The following TMEM266 variants were observed in gnomAD, a reference collection of about 807,000 sequenced individuals.
The protein encoded by TMEM266 is Hv1 related protein 1.
In TMEM266, 33 loss-of-function variants were observed where a neutral mutation model predicts 50.5. The ratio of observed to expected loss-of-function variants is 0.65; its 90% CI spans 0.50 to 0.87. TMEM266 has a LOEUF of 0.87. TMEM266 is among the 40% of genes least tolerant of loss of function. The pLI, the probability that TMEM266 is intolerant of heterozygous loss-of-function variation, is 0.00. For synonymous variants in TMEM266, 310 were observed against 292.3 expected, an observed-to-expected ratio of 1.06 and a Z score of -0.62; for missense variants, 655 against 695.1, an observed-to-expected ratio of 0.94 and a Z score of 0.65.
intron 9 of TMEM266, among the ~76,000 whole-genome samples, chr15:76,201,230 C>A (rs544870937): frequency 6.6e-6 from 1 of 152,280 alleles, no homozygotes; most frequent in African/African-American, 2.4e-5. Context: ...TCAGACCATC[C>A]TGTGGCCCCT....
At chr15:76,184,393 T>C (rs185602989) in intron 8 of TMEM266, among the ~76,000 whole-genome samples, 1 of 152,342 alleles carries the variant, frequency 6.6e-6, no homozygotes, top group East Asian at 1.9e-4. Context: ...CTACCAGTCA[T>C]CTTCACAGTG....
intron 1 of TMEM266, among the ~76,000 whole-genome samples, chr15:76,130,341 C>G (rs574472848): frequency 9.6e-4 from 145 of 150,436 alleles, no homozygotes; most frequent in Non-Finnish European, 1.7e-3. Flanking sequence ...AGTTTAAGAC[C>G]AGCCTGGCCA....
At chr15:76,190,566 C>T (rs1281620438) in intron 8 of TMEM266, among the ~76,000 whole-genome samples, 1 of 151,122 alleles carries the variant, frequency 6.6e-6, no homozygotes, top group African/African-American at 2.4e-5. Context: ...GGAGGCGGGA[C>T]AGCTGCTGGA....
At chr15:76,159,904 A>G (rs917913368) in intron 4 of TMEM266, among the ~76,000 whole-genome samples, 191 bp from the exon 5 acceptor site, 1 of 152,048 alleles carries the variant, frequency 6.6e-6, no homozygotes, top group Non-Finnish European at 1.5e-5. Flanking sequence ...TTGGCTCCCA[A>G]ATGTCCTACT....
At chr15:76,090,313 G>A (rs967474809) in intron 1 of TMEM266, among the ~76,000 whole-genome samples, 5 of 151,720 alleles carry the variant, frequency 3.3e-5, no homozygotes, top group Admixed American at 6.6e-5. Flanking sequence ...CCAACATGAC[G>A]AAACCTTGGC....
In TMEM266 at chr15:76,111,282, T is replaced by A. The variant is rs529808738; in HGVS notation, c.-96-22886T>A. On this transcript the variant is annotated intron_variant, in intron 1 of 10. Coordinates refer to ENST00000388942, the MANE Select transcript of TMEM266 (RefSeq NM_152335.3). Reference sequence around the variant, plus strand: ...TTTTAGCAGAGACAGGATTTCACCATGTTGGTCAGGCTGGTCTTGAACTCC... The same window carrying A: ...TTTTAGCAGAGACAGGATTTCACCAAGTTGGTCAGGCTGGTCTTGAACTCC... Among the ~76,000 whole-genome samples, 48 of 151,944 alleles carry A rather than the reference T, an allele frequency of 3.2e-4. 1 individual carries two copies. The highest frequency in any genetic ancestry group is 1.2e-3 in the African/African-American group (48 of 41,420).
intron 1 of TMEM266, among the ~76,000 whole-genome samples, chr15:76,116,381 A>T (rs2037246863): frequency 6.6e-6 from 1 of 152,120 alleles, no homozygotes; most frequent in Admixed American, 6.6e-5. Context: ...GTTCTCACCT[A>T]GCTTAAGGGA....
At chr15:76,166,782 G>A (rs927893395) in intron 5 of TMEM266, among the ~76,000 whole-genome samples, 1 of 152,194 alleles carries the variant, frequency 6.6e-6, no homozygotes, top group African/African-American at 2.4e-5. Context: ...AGTAGAATGG[G>A]GAGAGGTAGA....
intron 1 of TMEM266, among the ~76,000 whole-genome samples, chr15:76,116,658 C>T (rs918897432): frequency 4.6e-5 from 7 of 151,992 alleles, no homozygotes; most frequent in African/African-American, 1.7e-4. Flanking sequence ...CACCTTTGTC[C>T]TTATCTTTAG....
At chr15:76,147,188 T>C (rs1484043209) in intron 3 of TMEM266, among the ~76,000 whole-genome samples, 1 of 152,226 alleles carries the variant, frequency 6.6e-6, no homozygotes, top group African/African-American at 2.4e-5. Context: ...ACTGTGGTTG[T>C]TGGCTGGCTC....
intron 1 of TMEM266, among the ~76,000 whole-genome samples, chr15:76,090,972 C>T (rs191572383): frequency 6.6e-6 from 1 of 152,212 alleles, no homozygotes; most frequent in Admixed American, 6.5e-5. Context: ...ATGCTAATTA[C>T]CCTGGTTTAA....
intron 8 of TMEM266, among the ~76,000 whole-genome samples, chr15:76,190,047 C>T (rs778299469): frequency 6.6e-6 from 1 of 152,164 alleles, no homozygotes. Flanking sequence ...ATGTGTTTTA[C>T]GTTCATAAAA....
intron 1 of TMEM266, among the ~76,000 whole-genome samples, chr15:76,080,351 A>G (rs894795335): frequency 2.0e-5 from 3 of 147,702 alleles, no homozygotes; most frequent in African/African-American, 7.5e-5. Context: ...CTCCTTGGTC[A>G]AGCGATTCTC....
At chr15:76,116,896 C>CTTTT (rs143849730) in intron 1 of TMEM266, among the ~76,000 whole-genome samples, 12 of 131,658 alleles carry the variant, frequency 9.1e-5, no homozygotes, top group Non-Finnish European at 1.3e-4. Flanking sequence ...AGCATATCTT[C>CTTTT]TTTTTTTTTT....
intron 1 of TMEM266, among the ~76,000 whole-genome samples, chr15:76,130,997 C>G (rs2037502667): frequency 6.6e-6 from 1 of 152,114 alleles, no homozygotes; most frequent in Non-Finnish European, 1.5e-5. Context: ...TTAAATTTGC[C>G]TGCCCAGAGA....
chr15:76,159,068 C>T (rs1374456874), intron 4 of TMEM266, among the ~76,000 whole-genome samples: 3 of 152,200 alleles, frequency 2.0e-5, no homozygotes, highest in East Asian at 1.9e-4. Context: ...CTGCAGCTCA[C>T]GAAGGAGGTA....
intron 8 of TMEM266, among the ~76,000 whole-genome samples, chr15:76,185,612 C>T (rs1222895180): frequency 6.6e-6 from 1 of 152,206 alleles, no homozygotes; most frequent in African/African-American, 2.4e-5. Context: ...AGGTCAGCTT[C>T]TATTAACTGT....
At chr15:76,126,720 G>A (rs2037429393) in intron 1 of TMEM266, among the ~76,000 whole-genome samples, 1 of 151,894 alleles carries the variant, frequency 6.6e-6, no homozygotes, top group South Asian at 2.1e-4. Context: ...GTAGAGATGG[G>A]GTTTCACCAT....
chr15:76,107,903 C>T (rs1243127825), intron 1 of TMEM266, among the ~76,000 whole-genome samples: 4 of 152,240 alleles, frequency 2.6e-5, no homozygotes, highest in Non-Finnish European at 5.9e-5. Context: ...AGGAGTTCAA[C>T]ATCTGAAGCT....
Sources: gnomAD v4.1 joint callset for allele counts (sites outside exome capture counted in the v4.1 genomes callset) on GRCh38, gnomAD v4.1.1 for gene constraint, MANE v1.5 for transcripts, NCBI Gene and HGNC (gene_info 2026-07-23, HGNC 2026-07-21) for gene names.